PKD1L1: variants seen among roughly 807,000 people sequenced by gnomAD.
PKD1L1 encodes polycystin 1 like 1, transient receptor potential channel interacting, also known as polycystin-1-like protein 1.
Under a neutral mutation model 323.4 loss-of-function variants are expected in PKD1L1, and 236 were observed. That is an observed-to-expected ratio of 0.73 (90% CI 0.66 to 0.81). PKD1L1 has a LOEUF of 0.81. Among genes scored for constraint, PKD1L1 ranks in the 40% least tolerant of loss-of-function variants. The pLI, the probability that PKD1L1 is intolerant of heterozygous loss-of-function variation, is 0.00. For missense variants in PKD1L1, 3,320 were observed against 3,508.0 expected, an observed-to-expected ratio of 0.95 and a Z score of 1.35; for synonymous variants, 1,344 against 1,335.0, an observed-to-expected ratio of 1.01 and a Z score of -0.15.
chr7:47,861,751 T>G (rs1786029421), intron 26 of PKD1L1, among the ~76,000 whole-genome samples: 2 of 151,686 alleles, frequency 1.3e-5, no homozygotes, highest in South Asian at 2.1e-4. Context: ...CATGGTGGTG[T>G]GCGCCTGTAG....
Position 47,809,557 on chromosome 7 carries a change from G to A in PKD1L1, c.7602C>T (p.Ser2534=), listed in dbSNP as rs761171450. ...MLPQLVFLAL[S]LIHLCVQLYR... ...AGAGTTGAACACAGAGGTGGATCAG[G>A]CTGAGTGCCAGGAAGACCAGCTGGT... Residue 2534 remains serine, a synonymous_variant, in exon 51 of 57, where the codon AGC becomes AGT. Transcript: ENST00000289672. 3.7e-6 allele frequency: 6 copies of A among 1,600,562 alleles called. No homozygotes were observed. The highest frequency in any genetic ancestry group is 5.1e-6 in the Non-Finnish European group (6 of 1,175,258).
Position 47,915,588 on chromosome 7 carries a change from G to A in PKD1L1, c.1072C>T (p.His358Tyr), listed in dbSNP as rs1562988420. The A allele has an allele frequency of 4.7e-6, 7 of 1,493,114 alleles. No individual in the cohort carries two copies. The highest frequency in any genetic ancestry group is 4.1e-5 in the Admixed American group (2 of 49,374). 92.5% of individuals were successfully genotyped at this position (1,493,114 alleles called of 1,614,324 possible). ...ATATCCAACTGAAAATGTAAAAGAT[G>A]AAAAAAAATACCTATAAAAGCAAAA... ...YHQYSKGIFF[H>Y]LLHFQLDMST... The change falls in exon 8 of 57, where the codon CAT becomes TAT. Residue 358 changes from histidine (H) to tyrosine (Y), a missense_variant. His to Tyr is a moderately conservative substitution (Grantham distance 83, BLOSUM62 2). Transcript: ENST00000289672.
intron 50 of PKD1L1, among the ~76,000 whole-genome samples, chr7:47,811,584 T>C (rs1562941087): frequency 6.6e-6 from 1 of 152,226 alleles, no homozygotes; most frequent in Admixed American, 6.5e-5. Flanking sequence ...GACAGCTCTA[T>C]ATTTGCCCTT....
At position 47,905,162 on chromosome 7, in the gene PKD1L1, G is replaced by C; in HGVS notation, c.1686C>G (p.Pro562=). The C allele has an allele frequency of 6.2e-7, 1 of 1,613,632 alleles. No individual in the cohort carries two copies. The highest frequency in any genetic ancestry group is 8.5e-7 in the Non-Finnish European group (1 of 1,179,766). The change falls in exon 11 of 57, where the codon CCC becomes CCG. Residue 562 remains proline (P), a synonymous_variant. Coordinates refer to ENST00000289672, the MANE Select transcript of PKD1L1 (RefSeq NM_138295.5). ...SRSIKKRLSI[P]QWYRVMVKAS... ...GGACTGCTACTTTTACTGACCATTG[G>C]GGGATGCTGAGTCTTTTTTTAATGC...
chr7:47,935,087 T>C (rs1787842894), intron 4 of PKD1L1, among the ~76,000 whole-genome samples: 1 of 152,172 alleles, frequency 6.6e-6, no homozygotes, highest in Non-Finnish European at 1.5e-5. Context: ...AAGAATGACA[T>C]TCCCGTGGCG....
intron 14 of PKD1L1, among the ~76,000 whole-genome samples, chr7:47,895,553 C>T (rs892615718): frequency 6.6e-6 from 1 of 152,088 alleles, no homozygotes; most frequent in Non-Finnish European, 1.5e-5. Flanking sequence ...ATCACATATT[C>T]ACAGGATATA....
intron 11 of PKD1L1, 58 bp from the exon 12 acceptor site, chr7:47,904,675 G>T: frequency 6.4e-7 from 1 of 1,556,342 alleles, no homozygotes; most frequent in Non-Finnish European, 8.7e-7. Context: ...AACAGGGTCA[G>T]GTCTAGAGAA....
At chr7:47,904,221 G>C (rs1279145620) in intron 12 of PKD1L1, among the ~76,000 whole-genome samples, 157 bp downstream of exon 12, 2 of 152,150 alleles carry the variant, frequency 1.3e-5, no homozygotes, top group Non-Finnish European at 2.9e-5. Context: ...GGAGCTCCTT[G>C]AGAAGCATGG....
At chr7:47,786,752 T>C (rs954610711) in intron 56 of PKD1L1, among the ~76,000 whole-genome samples, 25 of 152,186 alleles carry the variant, frequency 1.6e-4, no homozygotes, top group African/African-American at 5.8e-4. Flanking sequence ...GTCATCGCAG[T>C]AGAGAAGAGG....
Position 47,843,063 on chromosome 7 carries a change from C to T in PKD1L1, c.5344G>A (p.Ala1782Thr), listed in dbSNP as rs1785595010. The T allele has an allele frequency of 1.2e-6, 2 of 1,613,872 alleles. No individual in the cohort carries two copies. Among genetic ancestry groups the T allele is most frequent in the South Asian group, 2.2e-5 (2 of 91,082 alleles). The change falls in exon 34 of 57, where the codon GCT becomes ACT. Residue 1782 changes from alanine to threonine, a missense_variant. By Grantham distance (58) the Ala-to-Thr change is moderately conservative. Coordinates refer to ENST00000289672, the MANE Select transcript of PKD1L1 (RefSeq NM_138295.5). ...GCTTCTTGCAGAAAGATGTAACCAG[C>T]TTTCTTTTTTTCATGATGATCTACT... The part of the protein sequence containing the change: ...RQVDHHEKKK[A>T]GYIFLQEASL...
intron 24 of PKD1L1, among the ~76,000 whole-genome samples, chr7:47,873,665 AAAAAAAGAAGG>A (rs1185792132): frequency 6.9e-6 from 1 of 145,518 alleles, no homozygotes; most frequent in Non-Finnish European, 1.5e-5. Context: ...AAAAAAAAAA[AAAAAAAGAAGG>A]AGAAGAAAGT....
intron 11 of PKD1L1, 139 bp downstream of exon 11, chr7:47,905,018 T>C: frequency 3.2e-6 from 3 of 924,854 alleles, no homozygotes; most frequent in Non-Finnish European, 4.8e-6. Flanking sequence ...TTGAGTTTGC[T>C]TCACAGAAGG....
chr7:47,850,657 A>G (rs1282214736), intron 31 of PKD1L1, among the ~76,000 whole-genome samples: 1 of 147,166 alleles, frequency 6.8e-6, no homozygotes, highest in Non-Finnish European at 1.5e-5. Context: ...AAAAAAGGAT[A>G]AAAGTAAGGC....
chr7:47,799,617 G>A (rs1471126876), intron 54 of PKD1L1, among the ~76,000 whole-genome samples: 1 of 152,168 alleles, frequency 6.6e-6, no homozygotes, highest in African/African-American at 2.4e-5. Flanking sequence ...GAGCCTTTGG[G>A]GGTCCAGGGG....
rs1260812850 is a variant in PKD1L1 at position 47,834,387 on chromosome 7, T to C, written c.6128-2A>G. ...GTATCCTTCCCCAGGAATTAGGACC[T>C]GATTCAAAAAAATAAAAATCCAATG... On this transcript the variant is annotated splice_acceptor_variant, in intron 39 of 56. Transcript: ENST00000289672. LOFTEE classifies it high-confidence loss of function. The C allele has an allele frequency of 1.2e-6, 2 of 1,613,324 alleles. No homozygotes were observed. The highest frequency in any genetic ancestry group is 1.6e-4 in the Middle Eastern group (1 of 6,062).
chr7:47,871,397 G>A (rs1786277885), intron 24 of PKD1L1, among the ~76,000 whole-genome samples: 1 of 152,180 alleles, frequency 6.6e-6, no homozygotes, highest in Non-Finnish European at 1.5e-5. Flanking sequence ...CTGCTTCCAA[G>A]GTGGCACCTG....
At chr7:47,831,931 A>G (rs1414768377) in intron 41 of PKD1L1, among the ~76,000 whole-genome samples, 1 of 152,112 alleles carries the variant, frequency 6.6e-6, no homozygotes, top group Non-Finnish European at 1.5e-5. Context: ...GCAGTTTTCA[A>G]CCTTCCCTCT....
At chr7:47,777,106 G>A (rs1001682275) in intron 56 of PKD1L1, among the ~76,000 whole-genome samples, 6 of 152,120 alleles carry the variant, frequency 3.9e-5, no homozygotes, top group Middle Eastern at 3.4e-3. Context: ...TGGCCAGGCC[G>A]GCCTGGAAAT....
In PKD1L1 at chr7:47,929,537, G is replaced by A. The variant is rs1235771633; in HGVS notation, c.738-11C>T. The stretch of plus-strand genomic sequence containing the variant: ...GGAAGGCCGTGGGAGCTGTGGGAGA[G>A]AGGGAGAGGCTTCAGATTTCATGAC... On this transcript the variant is annotated splice_polypyrimidine_tract_variant and intron_variant, in intron 6 of 56. Transcript: ENST00000289672. 9 of 1,603,838 alleles carry A rather than the reference G, an allele frequency of 5.6e-6. No individual in the cohort carries two copies. The highest frequency in any genetic ancestry group is 1.7e-5 in the Admixed American group (1 of 59,008).
Sources: gnomAD v4.1 joint callset for allele counts (sites outside exome capture counted in the v4.1 genomes callset) on GRCh38, gnomAD v4.1.1 for gene constraint, MANE v1.5 for transcripts, NCBI Gene and HGNC (gene_info 2026-07-23, HGNC 2026-07-21) for gene names.